Variants in AGBL4 observed in about 807,000 individuals in gnomAD.
AGBL4 encodes the protein cytosolic carboxypeptidase 6.
In AGBL4, 58 loss-of-function variants were observed where a neutral mutation model predicts 66.4. The observed-to-expected ratio is 0.87, with a 90% CI of 0.71 to 1.09. AGBL4 has a LOEUF of 1.09. Ranked by LOEUF, AGBL4 falls within the 50% of genes least tolerant of loss-of-function variation. The pLI is 0.00. For synonymous variants in AGBL4, 234 were observed against 222.9 expected (o/e 1.05, Z -0.44); for missense variants, 579 against 631.0 (o/e 0.92, Z 0.88).
At chr1:49,762,621 C>T (rs937476795) in intron 2 of AGBL4, among the ~76,000 whole-genome samples, 3 of 152,128 alleles carry the variant, frequency 2.0e-5, no homozygotes, top group Admixed American at 6.6e-5. Context: ...ACCATGTTGG[C>T]CAGGATGGTC....
chr1:49,771,489 G>A (rs1644056786), intron 2 of AGBL4, among the ~76,000 whole-genome samples: 1 of 152,066 alleles, frequency 6.6e-6, no homozygotes, highest in South Asian at 2.1e-4. Flanking sequence ...GGATTGTTCT[G>A]TAAATGTCTA....
chr1:49,024,494 C>G (rs1663491492), intron 5 of AGBL4, among the ~76,000 whole-genome samples: 1 of 152,128 alleles, frequency 6.6e-6, no homozygotes, highest in Non-Finnish European at 1.5e-5. Context: ...TTCTTCTATA[C>G]AAGTATTTTA....
intron 8 of AGBL4, among the ~76,000 whole-genome samples, chr1:48,638,418 C>T (rs1047184757): frequency 6.6e-6 from 1 of 152,222 alleles, no homozygotes; most frequent in Admixed American, 6.5e-5. Flanking sequence ...AGGATAACCA[C>T]TCTGACTTTC....
At chr1:48,549,501 A>G (rs998079587) in intron 11 of AGBL4, among the ~76,000 whole-genome samples, 1 of 152,090 alleles carries the variant, frequency 6.6e-6, no homozygotes, top group African/African-American at 2.4e-5. Context: ...AGAGAGAAAG[A>G]GATAGAGAGA....
At chr1:49,719,104 G>A (rs1648393112) in intron 2 of AGBL4, among the ~76,000 whole-genome samples, 1 of 152,056 alleles carries the variant, frequency 6.6e-6, no homozygotes, top group Non-Finnish European at 1.5e-5. Context: ...ATAAAAGAAG[G>A]AAACCCAAAT....
intron 3 of AGBL4, among the ~76,000 whole-genome samples, chr1:49,609,482 A>G (rs1180310947): frequency 6.6e-6 from 1 of 152,178 alleles, no homozygotes; most frequent in African/African-American, 2.4e-5. Flanking sequence ...GTAAAAAGGC[A>G]CTCAAGAAGA....
At chr1:49,822,384 A>G (rs534373080) in intron 2 of AGBL4, among the ~76,000 whole-genome samples, 24 of 150,712 alleles carry the variant, frequency 1.6e-4, no homozygotes, top group Admixed American at 2.7e-4. Context: ...GCTGGAATGT[A>G]GTGGCGTGAT....
chr1:49,829,078 AAAAG>A (rs978051723), intron 2 of AGBL4, among the ~76,000 whole-genome samples: 12 of 152,044 alleles, frequency 7.9e-5, no homozygotes, highest in Admixed American at 1.3e-4. Context: ...CAAAAAAAAA[AAAAG>A]AAAGAAAGAA....
At chr1:49,003,160 G>A (rs949742837) in intron 5 of AGBL4, among the ~76,000 whole-genome samples, 6 of 152,232 alleles carry the variant, frequency 3.9e-5, no homozygotes, top group Non-Finnish European at 7.3e-5. Context: ...CACTCTGGGA[G>A]GCCAAGGCAG....
intron 5 of AGBL4, among the ~76,000 whole-genome samples, chr1:48,870,335 G>A (rs879729072): frequency 7.2e-5 from 11 of 151,936 alleles, no homozygotes; most frequent in Admixed American, 3.3e-4. Context: ...ATCATGTACC[G>A]TCTTCATTGT....
At chr1:49,456,438 C>T (rs1440212016) in intron 3 of AGBL4, among the ~76,000 whole-genome samples, 3 of 151,704 alleles carry the variant, frequency 2.0e-5, no homozygotes, top group Non-Finnish European at 4.4e-5. Flanking sequence ...TTTAATGAAG[C>T]ATATTTTACT....
At chr1:48,597,921 GAAGAAA>G (rs1417281775) in intron 9 of AGBL4, among the ~76,000 whole-genome samples, 1 of 151,090 alleles carries the variant, frequency 6.6e-6, no homozygotes, top group Non-Finnish European at 1.5e-5. Context: ...AGGAAGGAAG[GAAGAAA>G]AAGAAAAAGA....
chr1:49,320,122 G>T lies in AGBL4; in HGVS notation c.283-74258C>A, dbSNP rs148175736. 9.8e-3 allele frequency among the ~76,000 whole-genome samples: 1,488 copies of T among 152,130 alleles called. 86 individuals carry two copies. Among genetic ancestry groups the T allele is most frequent in the Admixed American group, 0.091 (1,387 of 15,262 alleles). On this transcript the variant is annotated intron_variant, in intron 3 of 13. Transcript: ENST00000371839. ...GATTTTTGTATTTTTTGTAGAGACAGGGTTTTACCATGTTGCCCAGCTGGT... is the reference window on the plus strand; with the variant it reads ...GATTTTTGTATTTTTTGTAGAGACATGGTTTTACCATGTTGCCCAGCTGGT...
At chr1:48,740,062 C>CT (rs1315327846) in intron 6 of AGBL4, among the ~76,000 whole-genome samples, 2 of 152,196 alleles carry the variant, frequency 1.3e-5, no homozygotes, top group African/African-American at 4.8e-5. Flanking sequence ...TATTTAATGT[C>CT]TTTATGGAAC....
At chr1:48,858,907 C>T (rs1647264010) in intron 6 of AGBL4, among the ~76,000 whole-genome samples, 1 of 152,068 alleles carries the variant, frequency 6.6e-6, no homozygotes, top group African/African-American at 2.4e-5. Flanking sequence ...AAAAATCTTT[C>T]TAAAAGTATG....
At chr1:49,844,586 A>G (rs1019947458) in intron 2 of AGBL4, 32 of 1,167,612 alleles carry the variant, frequency 2.7e-5, no homozygotes, top group South Asian at 5.1e-5. Context: ...TGCACCTTGA[A>G]CATTTCAAAA....
intron 3 of AGBL4, among the ~76,000 whole-genome samples, chr1:49,306,269 A>G (rs1644847668): frequency 6.6e-6 from 1 of 152,178 alleles, no homozygotes; most frequent in African/African-American, 2.4e-5. Context: ...TTTATGATAA[A>G]AGCTTAGGGA....
chr1:48,851,697 A>G (rs1362033172), intron 6 of AGBL4, among the ~76,000 whole-genome samples: 1 of 152,214 alleles, frequency 6.6e-6, no homozygotes, highest in African/African-American at 2.4e-5. Context: ...AATCCTTTGT[A>G]AGGACATCCA....
At chr1:49,985,093 G>C (rs1302976593) in intron 1 of AGBL4, among the ~76,000 whole-genome samples, 5 of 152,136 alleles carry the variant, frequency 3.3e-5, no homozygotes, top group African/African-American at 9.6e-5. Flanking sequence ...GAAGCCAAGG[G>C]GTATATTGCA....
Sources: allele counts gnomAD v4.1 joint callset (sites outside exome capture counted in the v4.1 genomes callset), GRCh38; gene constraint gnomAD v4.1.1; transcripts MANE v1.5; gene names NCBI Gene and HGNC (gene_info 2026-07-23, HGNC 2026-07-21).